The following ALK variants were observed in gnomAD, a reference collection of about 807,000 sequenced individuals.
The protein encoded by ALK is ALK receptor tyrosine kinase.
A neutral mutation model predicts 163.1 loss-of-function variants in ALK; 74 were observed. The observed-to-expected ratio is 0.45, with a 90% CI of 0.38 to 0.55. The LOEUF is 0.55. Among genes scored for constraint, ALK ranks in the 20% least tolerant of loss-of-function variants. The pLI, the probability that ALK is intolerant of heterozygous loss-of-function variation, is 0.00. For missense variants in ALK, 2,063 were observed against 2,105.3 expected, an observed-to-expected ratio of 0.98 and a Z score of 0.39; for synonymous variants, 960 against 843.2, an observed-to-expected ratio of 1.14 and a Z score of -2.40.
At chr2:29,487,036 T>C (rs1168576095) in intron 4 of ALK, among the ~76,000 whole-genome samples, 2 of 152,290 alleles carry the variant, frequency 1.3e-5, no homozygotes, top group South Asian at 2.1e-4. Context: ...CTGACCTATA[T>C]CAATGTTTCC....
chr2:29,623,164 T>C (rs1012288438), intron 3 of ALK, among the ~76,000 whole-genome samples: 1 of 152,210 alleles, frequency 6.6e-6, no homozygotes, highest in East Asian at 1.9e-4. Context: ...AGGTGTATCA[T>C]GGGCAATGTT....
chr2:29,313,205 C>T (rs117611386), intron 8 of ALK, among the ~76,000 whole-genome samples: 4 of 152,174 alleles, frequency 2.6e-5, no homozygotes, highest in Admixed American at 6.5e-5. Context: ...GATGGTCATC[C>T]GTTCTATGCA....
At chr2:29,828,302 C>T (rs543011091) in intron 1 of ALK, among the ~76,000 whole-genome samples, 2 of 152,220 alleles carry the variant, frequency 1.3e-5, no homozygotes, top group Admixed American at 1.3e-4. Flanking sequence ...GCAACAAAAG[C>T]CAAAATTGAC....
chr2:29,722,472 C>T (rs1679449303), intron 1 of ALK, among the ~76,000 whole-genome samples: 1 of 152,240 alleles, frequency 6.6e-6, no homozygotes, highest in South Asian at 2.1e-4. Flanking sequence ...ACTTTAAAAA[C>T]TCTGACTTTT....
At chr2:29,215,488 G>C (rs1669578548) in intron 23 of ALK, among the ~76,000 whole-genome samples, 1 of 152,150 alleles carries the variant, frequency 6.6e-6, no homozygotes, top group African/African-American at 2.4e-5. Context: ...CTGTGTGGTA[G>C]GTAGGGAAGA....
intron 1 of ALK, among the ~76,000 whole-genome samples, chr2:29,832,272 C>T (rs915491109): frequency 4.6e-5 from 7 of 152,138 alleles, no homozygotes; most frequent in Non-Finnish European, 7.3e-5. Flanking sequence ...AAGCAGGTGG[C>T]AGTTTCCAAA....
At chr2:29,525,532 C>T (rs1383032849) in intron 4 of ALK, among the ~76,000 whole-genome samples, 1 of 152,062 alleles carries the variant, frequency 6.6e-6, no homozygotes, top group African/African-American at 2.4e-5. Flanking sequence ...TGGCTCATGC[C>T]TGTAATCCCA....
In ALK at chr2:29,254,431, C is replaced by T. The variant is rs73920758; in HGVS notation, c.2042-3164G>A. Among the ~76,000 whole-genome samples, 326 of 152,330 alleles carry T rather than the reference C, an allele frequency of 2.1e-3. 1 individual carries two copies. Among genetic ancestry groups the T allele is most frequent in the African/African-American group, 7.5e-3 (310 of 41,564 alleles). ...ATCTCACCTTCAGTGGGAACCACTT[C>T]AGCCTAGGTTAGTTTATTCTGAGGG... On this transcript the variant is annotated intron_variant, in intron 11 of 28. Coordinates refer to ENST00000389048, the MANE Select transcript of ALK (RefSeq NM_004304.5).
At chr2:29,407,635 T>C (rs1669617050) in intron 4 of ALK, among the ~76,000 whole-genome samples, 1 of 152,240 alleles carries the variant, frequency 6.6e-6, no homozygotes, top group African/African-American at 2.4e-5. Context: ...TGTCTTTATA[T>C]GCAAAGTAAG....
chr2:29,352,536 T>G (rs1437962793), intron 5 of ALK, among the ~76,000 whole-genome samples: 1 of 152,236 alleles, frequency 6.6e-6, no homozygotes, highest in African/African-American at 2.4e-5. Context: ...GGACAGAATC[T>G]CAGGCTCAGA....
intron 1 of ALK, among the ~76,000 whole-genome samples, chr2:29,851,494 T>G (rs568205555): frequency 6.6e-6 from 1 of 152,192 alleles, no homozygotes; most frequent in Non-Finnish European, 1.5e-5. Flanking sequence ...TCAGATTTTA[T>G]TAAAGTCATT....
intron 1 of ALK, among the ~76,000 whole-genome samples, chr2:29,821,419 C>T (rs1244615764): frequency 6.6e-6 from 1 of 152,158 alleles, no homozygotes; most frequent in East Asian, 1.9e-4. Flanking sequence ...AGGGGACAAG[C>T]ACCAATTTTG....
At chr2:29,208,617 C>T (rs1170066250) in intron 25 of ALK, among the ~76,000 whole-genome samples, 1 of 152,170 alleles carries the variant, frequency 6.6e-6, no homozygotes, top group East Asian at 1.9e-4. Flanking sequence ...CCCGTGGTAA[C>T]ATGATGGCCT....
At chr2:29,775,208 T>A (rs968740234) in intron 1 of ALK, among the ~76,000 whole-genome samples, 20 of 152,172 alleles carry the variant, frequency 1.3e-4, no homozygotes, top group Admixed American at 5.2e-4. Context: ...AAAGGAGCCA[T>A]GAATTAGATG....
intron 3 of ALK, among the ~76,000 whole-genome samples, chr2:29,566,180 A>T (rs1037042457): frequency 3.9e-5 from 6 of 152,206 alleles, no homozygotes; most frequent in Non-Finnish European, 7.3e-5. Flanking sequence ...TTATTTCTGC[A>T]TGTTCGCGAG....
At chr2:29,876,316 T>C (rs967385862) in intron 1 of ALK, among the ~76,000 whole-genome samples, 1 of 152,054 alleles carries the variant, frequency 6.6e-6, no homozygotes, top group Non-Finnish European at 1.5e-5. Flanking sequence ...GTGGTGGTGA[T>C]GGTGATGGTG....
intron 1 of ALK, among the ~76,000 whole-genome samples, chr2:29,868,735 C>T (rs79576073): frequency 0.012 from 1,793 of 152,322 alleles, 40 homozygotes; most frequent in East Asian, 0.096. Flanking sequence ...CCATCCCACA[C>T]GTTTTCCTTG....
intron 1 of ALK, among the ~76,000 whole-genome samples, chr2:29,831,217 G>GGAA (rs1157118827): frequency 2.4e-5 from 1 of 41,034 alleles, no homozygotes; most frequent in Non-Finnish European, 5.0e-5. Context: ...AAGAGGAAGA[G>GGAA]GAAGAGGAAG....
At chr2:29,629,438 G>A (rs576235777) in intron 3 of ALK, among the ~76,000 whole-genome samples, 47 of 152,252 alleles carry the variant, frequency 3.1e-4, no homozygotes, top group African/African-American at 1.0e-3. Flanking sequence ...AGTTTTACTT[G>A]TTTGAATCTT....
Sources: gnomAD v4.1 joint callset for allele counts (sites outside exome capture counted in the v4.1 genomes callset) on GRCh38, gnomAD v4.1.1 for gene constraint, MANE v1.5 for transcripts, NCBI Gene and HGNC (gene_info 2026-07-23, HGNC 2026-07-21) for gene names.